GALNTL6: variants seen among roughly 807,000 people sequenced by gnomAD.
GALNTL6 encodes polypeptide N-acetylgalactosaminyltransferase-like 6.
GALNTL6 carries 46 observed loss-of-function variants against 73.7 expected under a neutral mutation model. The ratio of observed to expected loss-of-function variants is 0.62; its 90% CI spans 0.49 to 0.80. The LOEUF (loss-of-function observed/expected upper bound fraction) is 0.80, where lower values mean the gene tolerates loss of function less well. Among genes scored for constraint, GALNTL6 ranks in the 30% least tolerant of loss-of-function variants. The pLI is 0.00. For synonymous variants in GALNTL6, 259 were observed against 263.7 expected (o/e 0.98, Z 0.17); for missense variants, 604 against 755.0 (o/e 0.80, Z 2.34).
At position 171,850,818 on chromosome 4, in the gene GALNTL6, G is replaced by A. The variant is rs190203065; in HGVS notation, c.138+36100G>A. On this transcript the variant is annotated intron_variant, in intron 2 of 12. Coordinates refer to ENST00000506823, the MANE Select transcript of GALNTL6 (RefSeq NM_001034845.3). ...TCTGGGGTTCCCTTGGCCAAGAGGGGGTCTGTTCAGTCTGCTGGGGAACCT... is the reference window on the plus strand; with the variant it reads ...TCTGGGGTTCCCTTGGCCAAGAGGGAGTCTGTTCAGTCTGCTGGGGAACCT... 2.6e-4 allele frequency among the ~76,000 whole-genome samples: 39 copies of A among 152,040 alleles called. No individual in the cohort carries two copies. The East Asian group carries it at 7.4e-3, about 29-fold the overall frequency.
At chr4:171,970,914 G>T (rs1346414577) in intron 2 of GALNTL6, among the ~76,000 whole-genome samples, 3 of 152,158 alleles carry the variant, frequency 2.0e-5, no homozygotes. Flanking sequence ...AATGCTTGAA[G>T]TTTAGAGTTA....
chr4:172,783,425 A>G (rs1009564650), intron 5 of GALNTL6, among the ~76,000 whole-genome samples: 12 of 147,752 alleles, frequency 8.1e-5, no homozygotes, highest in Non-Finnish European at 1.6e-4. Flanking sequence ...ATAATAATAT[A>G]TACTATTTAT....
chr4:172,462,043 C>T (rs939597172), intron 5 of GALNTL6, among the ~76,000 whole-genome samples: 11 of 152,076 alleles, frequency 7.2e-5, no homozygotes, highest in African/African-American at 2.4e-4. Context: ...CTGAGACATC[C>T]ATCTTCTCTT....
chr4:172,639,476 A>C (rs1369303391), intron 5 of GALNTL6, among the ~76,000 whole-genome samples: 1 of 152,148 alleles, frequency 6.6e-6, no homozygotes, highest in Non-Finnish European at 1.5e-5. Flanking sequence ...TTTGCCTAGA[A>C]CTATGGACTT....
intron 2 of GALNTL6, among the ~76,000 whole-genome samples, chr4:172,205,585 C>T (rs1219068000): frequency 6.6e-6 from 1 of 152,196 alleles, no homozygotes; most frequent in Non-Finnish European, 1.5e-5. Context: ...GACTCTCATC[C>T]TTTTGTTCCA....
At chr4:172,231,538 T>C (rs1737070596) in intron 3 of GALNTL6, among the ~76,000 whole-genome samples, 1 of 152,134 alleles carries the variant, frequency 6.6e-6, no homozygotes, top group African/African-American at 2.4e-5. Context: ...ATAATAATAA[T>C]TGGAAAATAT....
intron 5 of GALNTL6, among the ~76,000 whole-genome samples, chr4:172,730,444 T>A (rs1736077121): frequency 6.6e-6 from 1 of 152,244 alleles, no homozygotes; most frequent in African/African-American, 2.4e-5. Flanking sequence ...AATAAAGGGA[T>A]GCTGAATTTT....
chr4:173,014,021 A>G (rs1232577852), intron 11 of GALNTL6, among the ~76,000 whole-genome samples: 2 of 151,764 alleles, frequency 1.3e-5, no homozygotes, highest in African/African-American at 4.8e-5. Flanking sequence ...GAGACTTATT[A>G]GAGTTGAAAT....
intron 5 of GALNTL6, among the ~76,000 whole-genome samples, chr4:172,568,631 G>T (rs977710773): frequency 6.6e-6 from 1 of 151,124 alleles, no homozygotes; most frequent in East Asian, 1.9e-4. Flanking sequence ...GATGGTGGGC[G>T]CCTGTAGTCC....
intron 5 of GALNTL6, among the ~76,000 whole-genome samples, chr4:172,603,134 G>T (rs1467280346): frequency 6.6e-6 from 1 of 152,176 alleles, no homozygotes; most frequent in Non-Finnish European, 1.5e-5. Context: ...TTTCTAGAAT[G>T]ATGGAAATGT....
At chr4:171,998,303 A>T (rs1740558551) in intron 2 of GALNTL6, among the ~76,000 whole-genome samples, 1 of 152,132 alleles carries the variant, frequency 6.6e-6, no homozygotes, top group African/African-American at 2.4e-5. Context: ...GGTTCATGTG[A>T]CTGTGGAGGT....
chr4:172,458,527 G>C (rs1004376565), intron 5 of GALNTL6, among the ~76,000 whole-genome samples: 1 of 152,008 alleles, frequency 6.6e-6, no homozygotes, highest in African/African-American at 2.4e-5. Context: ...CAATAAAAAT[G>C]ATAAAGGGGA....
intron 2 of GALNTL6, among the ~76,000 whole-genome samples, chr4:171,894,040 T>C (rs1736832568): frequency 6.7e-6 from 1 of 149,956 alleles, no homozygotes; most frequent in Non-Finnish European, 1.5e-5. Context: ...AAGTTGCTAT[T>C]TAAGAAGTTT....
intron 3 of GALNTL6, among the ~76,000 whole-genome samples, chr4:172,310,999 A>G (rs908047423): frequency 6.6e-6 from 1 of 152,124 alleles, no homozygotes; most frequent in African/African-American, 2.4e-5. Context: ...ATTAATTCAT[A>G]GTAATCAAGA....
chr4:172,293,685 C>G (rs941114588), intron 3 of GALNTL6, among the ~76,000 whole-genome samples: 3 of 151,478 alleles, frequency 2.0e-5, no homozygotes, highest in Non-Finnish European at 2.9e-5. Flanking sequence ...CTCACTTGCA[C>G]AGGATATAAA....
At chr4:171,942,762 T>C (rs902923385) in intron 2 of GALNTL6, among the ~76,000 whole-genome samples, 3 of 152,228 alleles carry the variant, frequency 2.0e-5, no homozygotes, top group Admixed American at 1.3e-4. Flanking sequence ...AGACAAGATA[T>C]AGAATTATAT....
At chr4:172,967,211 T>C (rs1022018049) in intron 10 of GALNTL6, among the ~76,000 whole-genome samples, 1 of 152,240 alleles carries the variant, frequency 6.6e-6, no homozygotes, top group Non-Finnish European at 1.5e-5. Context: ...CAGCCTTCAC[T>C]TACATTTTCC....
At chr4:172,527,020 TA>T (rs1734982388) in intron 5 of GALNTL6, among the ~76,000 whole-genome samples, 1 of 152,206 alleles carries the variant, frequency 6.6e-6, no homozygotes. Flanking sequence ...TATTTTATTT[TA>T]GTTATTTTAT....
At chr4:172,193,028 A>C (rs981282712) in intron 2 of GALNTL6, among the ~76,000 whole-genome samples, 2 of 152,198 alleles carry the variant, frequency 1.3e-5, no homozygotes, top group African/African-American at 4.8e-5. Flanking sequence ...CCCTGGAATG[A>C]AGCACCTGGG....
Sources: allele counts gnomAD v4.1 joint callset (sites outside exome capture counted in the v4.1 genomes callset), GRCh38; gene constraint gnomAD v4.1.1; transcripts MANE v1.5; gene names NCBI Gene and HGNC (gene_info 2026-07-23, HGNC 2026-07-21).